Variants in DLG2 observed in about 807,000 individuals in gnomAD.
DLG2 encodes the protein disks large homolog 2.
DLG2 carries 45 observed loss-of-function variants against 132.5 expected under a neutral mutation model. The observed-to-expected ratio is 0.34, with a 90% CI of 0.27 to 0.44. The LOEUF is 0.44. Ranked by LOEUF, DLG2 falls within the 20% of genes least tolerant of loss-of-function variation. The pLI is 1.00. For synonymous variants in DLG2, 424 were observed against 419.6 expected (o/e 1.01, Z -0.13); for missense variants, 1,045 against 1,196.9 (o/e 0.87, Z 1.87).
Position 83,457,492 on chromosome 11 carries a change from A to T in DLG2, c.*2326T>A, listed in dbSNP as rs1565284936. On this transcript the variant is annotated 3_prime_UTR_variant, in exon 28 of 28. Transcript: ENST00000376104. ...CTAATCTGAAAGCATCTACACTAGG[A>T]AAATAAATAGTTATATTACTACAAA... The T allele has an allele frequency of 5.2e-5, 8 of 152,650 alleles. No homozygotes were observed. Among genetic ancestry groups the T allele is most frequent in the African/African-American group, 1.9e-4 (8 of 41,464 alleles). 9.5% of individuals were successfully genotyped at this position (152,650 alleles called of 1,614,324 possible).
intron 4 of DLG2, among the ~76,000 whole-genome samples, chr11:85,209,773 A>G (rs1442661573): frequency 6.6e-6 from 1 of 151,736 alleles, no homozygotes; most frequent in East Asian, 1.9e-4. Flanking sequence ...ATTCATTTAT[A>G]TAATCCAAAA....
At chr11:85,126,919 T>C (rs2075180614) in intron 5 of DLG2, among the ~76,000 whole-genome samples, 1 of 152,038 alleles carries the variant, frequency 6.6e-6, no homozygotes. Context: ...ATCCAGCTAG[T>C]AAAAGGGGAA....
chr11:84,329,399 G>C (rs949751554), intron 7 of DLG2, among the ~76,000 whole-genome samples: 1 of 151,986 alleles, frequency 6.6e-6, no homozygotes, highest in Non-Finnish European at 1.5e-5. Flanking sequence ...TGAATCATGG[G>C]GGCAGCTACT....
intron 6 of DLG2, among the ~76,000 whole-genome samples, chr11:84,945,740 G>A (rs769838468): frequency 6.6e-6 from 1 of 152,080 alleles, no homozygotes; most frequent in South Asian, 2.1e-4. Flanking sequence ...GGAAACACAA[G>A]TGCTTCTTGG....
chr11:84,301,238 A>T (rs936389709), intron 7 of DLG2, among the ~76,000 whole-genome samples: 49 of 152,310 alleles, frequency 3.2e-4, no homozygotes, highest in African/African-American at 1.2e-3. Flanking sequence ...TTTGGCAGTC[A>T]TTAAAAAAGA....
At position 85,473,062 on chromosome 11, in the gene DLG2, G is replaced by A. The variant is rs78893738; in HGVS notation, c.40+125595C>T. On this transcript the variant is annotated intron_variant, in intron 3 of 27. Coordinates refer to ENST00000376104, the MANE Select transcript of DLG2 (RefSeq NM_001142699.3). ...GCTTTCCCCTTGTCTAGACACGGGC[G>A]TCTAAGATGGAAGCCTCTTGCAGTA... Among the ~76,000 whole-genome samples, 1,434 of 152,332 alleles carry A rather than the reference G, an allele frequency of 9.4e-3. 19 individuals carry two copies. Among genetic ancestry groups the A allele is most frequent in the African/African-American group, 0.031 (1,277 of 41,576 alleles).
At chr11:85,168,447 T>G (rs2078615068) in intron 4 of DLG2, among the ~76,000 whole-genome samples, 1 of 152,130 alleles carries the variant, frequency 6.6e-6, no homozygotes, top group African/African-American at 2.4e-5. Flanking sequence ...GTTGGACAAC[T>G]ACATTTTTGC....
At chr11:84,905,300 A>G (rs1003697237) in intron 6 of DLG2, among the ~76,000 whole-genome samples, 3 of 152,120 alleles carry the variant, frequency 2.0e-5, no homozygotes, top group Admixed American at 6.5e-5. Flanking sequence ...CTCTCCTCCA[A>G]TGTTAAATAC....
At chr11:84,962,714 G>A (rs1195805088) in intron 6 of DLG2, among the ~76,000 whole-genome samples, 2 of 152,134 alleles carry the variant, frequency 1.3e-5, no homozygotes, top group East Asian at 3.9e-4. Flanking sequence ...AAATATCTTA[G>A]AGTCATCTGT....
chr11:84,214,242 TATATATATACATATATATGA>T (rs1566951306), intron 8 of DLG2, among the ~76,000 whole-genome samples: 4 of 143,536 alleles, frequency 2.8e-5, no homozygotes, highest in South Asian at 2.1e-4. Flanking sequence ...TATATATGAA[TATATATATACATATATATGA>T]ATATATATAC....
At chr11:85,476,976 T>C (rs1271231030) in intron 3 of DLG2, among the ~76,000 whole-genome samples, 2 of 152,148 alleles carry the variant, frequency 1.3e-5, no homozygotes, top group African/African-American at 4.8e-5. Flanking sequence ...TGCTATACTT[T>C]TAAATGACTG....
intron 18 of DLG2, among the ~76,000 whole-genome samples, chr11:83,706,619 A>G (rs2084064399): frequency 6.6e-6 from 1 of 152,226 alleles, no homozygotes; most frequent in Non-Finnish European, 1.5e-5. Flanking sequence ...CCTTCTGAGG[A>G]GCATACACAA....
At chr11:85,312,065 T>A (rs1251055075) in intron 3 of DLG2, among the ~76,000 whole-genome samples, 1 of 151,992 alleles carries the variant, frequency 6.6e-6, no homozygotes, top group East Asian at 1.9e-4. Context: ...AAACTTCTAA[T>A]AATTTTTCAA....
chr11:83,522,697 C>T (rs1288832165), intron 21 of DLG2, among the ~76,000 whole-genome samples: 1 of 151,938 alleles, frequency 6.6e-6, no homozygotes, highest in Non-Finnish European at 1.5e-5. Flanking sequence ...GCTATCTATT[C>T]TCCAGAGTTT....
At chr11:85,492,095 G>C (rs768526080) in intron 3 of DLG2, among the ~76,000 whole-genome samples, 11 of 152,048 alleles carry the variant, frequency 7.2e-5, no homozygotes, top group Admixed American at 4.6e-4. Context: ...CTTGAAAATT[G>C]TTTAGAGCAA....
chr11:85,309,618 G>T (rs138846666), intron 3 of DLG2, among the ~76,000 whole-genome samples: 23 of 152,178 alleles, frequency 1.5e-4, no homozygotes, highest in African/African-American at 4.8e-4. Context: ...GCCTGCTTAT[G>T]TCTTTATTCC....
At chr11:83,510,830 GT>G (rs566973328) in intron 21 of DLG2, among the ~76,000 whole-genome samples, 294 of 88,780 alleles carry the variant, frequency 3.3e-3, no homozygotes, top group East Asian at 0.019. Context: ...TGAACCATCC[GT>G]TTTTTTTTTT....
chr11:84,119,505 C>G lies in DLG2; in HGVS notation c.625-20458G>C, dbSNP rs569797436. 7.2e-5 allele frequency among the ~76,000 whole-genome samples: 11 copies of G among 151,734 alleles called. No homozygotes were observed. The South Asian group carries it at 2.1e-3, about 29-fold the overall frequency. On this transcript the variant is annotated intron_variant, in intron 9 of 27. Transcript: ENST00000376104. ...TACAGGTAATATATTCATACACACA[C>G]ATACGAATCACATTTAAAAAGACTG...
intron 18 of DLG2, among the ~76,000 whole-genome samples, chr11:83,678,786 A>T (rs947391487): frequency 2.0e-5 from 3 of 152,172 alleles, no homozygotes; most frequent in Non-Finnish European, 4.4e-5. Context: ...GTACTGATTT[A>T]GGGTAACTTT....
Sources: allele counts gnomAD v4.1 joint callset (sites outside exome capture counted in the v4.1 genomes callset), GRCh38; gene constraint gnomAD v4.1.1; transcripts MANE v1.5; gene names NCBI Gene and HGNC (gene_info 2026-07-23, HGNC 2026-07-21).